Variants in CLIC4 observed in about 807,000 individuals in gnomAD.
CLIC4 encodes the protein chloride intracellular channel protein 4.
In CLIC4, 13 loss-of-function variants were observed where a neutral mutation model predicts 24.6. The ratio of observed to expected loss-of-function variants is 0.53; its 90% confidence interval spans 0.34 to 0.84. The LOEUF is 0.84. CLIC4 is among the 40% of genes least tolerant of loss of function. The pLI, the probability that CLIC4 is intolerant of heterozygous loss-of-function variation, is 0.01. For missense variants in CLIC4, 227 were observed against 301.7 expected, an observed-to-expected ratio of 0.75 and a Z score of 1.83; for synonymous variants, 104 against 111.3, an observed-to-expected ratio of 0.93 and a Z score of 0.41.
At chr1:24,815,385 C>T (rs1351593749) in intron 3 of CLIC4, among the ~76,000 whole-genome samples, 1 of 152,060 alleles carries the variant, frequency 6.6e-6, no homozygotes, top group African/African-American at 2.4e-5. Context: ...ACCTGTAATC[C>T]CAGCTACTCG....
At chr1:24,748,024 CAA>C (rs34000704) in intron 1 of CLIC4, among the ~76,000 whole-genome samples, 194 of 118,090 alleles carry the variant, frequency 1.6e-3, no homozygotes, top group South Asian at 0.012. Flanking sequence ...GACTTCGTCT[CAA>C]AAAAAAAAAA....
intron 4 of CLIC4, 88 bp downstream of exon 4, chr1:24,827,204 C>T: frequency 2.6e-6 from 2 of 764,588 alleles, no homozygotes; most frequent in Non-Finnish European, 2.2e-6. Context: ...TAAATGAGTA[C>T]TTTAGAGTCC....
At chr1:24,829,631 A>G (rs1284367794) in intron 4 of CLIC4, among the ~76,000 whole-genome samples, 1 of 152,180 alleles carries the variant, frequency 6.6e-6, no homozygotes, top group African/African-American at 2.4e-5. Flanking sequence ...TCAGTCATTG[A>G]TATTTATAAT....
intron 2 of CLIC4, among the ~76,000 whole-genome samples, chr1:24,799,227 A>T (rs531291171): frequency 7.2e-6 from 1 of 139,820 alleles, no homozygotes. Context: ...GGCTGCCATC[A>T]CATCTAGGAA....
Position 24,769,774 on chromosome 1 carries a change from G to A in CLIC4, c.72+24149G>A, listed in dbSNP as rs1639049770. 2.0e-5 allele frequency among the ~76,000 whole-genome samples: 3 copies of A among 151,986 alleles called. No homozygotes were observed. The South Asian group carries it at 6.2e-4, about 32-fold the overall frequency. On this transcript the variant is annotated intron_variant, in intron 1 of 5. Coordinates refer to ENST00000374379, the MANE Select transcript of CLIC4 (RefSeq NM_013943.3). Reference sequence around the variant, plus strand: ...ACTAAAATTTCCATTACCTCACCTCGTTGCATTTTGGGGGCCTGGTTAATT... The same window carrying A: ...ACTAAAATTTCCATTACCTCACCTCATTGCATTTTGGGGGCCTGGTTAATT...
At chr1:24,816,737 C>G (rs765888602) in intron 3 of CLIC4, among the ~76,000 whole-genome samples, 22 of 152,172 alleles carry the variant, frequency 1.4e-4, no homozygotes, top group Non-Finnish European at 2.8e-4. Flanking sequence ...CATGATCTCC[C>G]TGTATATCTC....
At chr1:24,813,833 C>G (rs909617296) in intron 2 of CLIC4, among the ~76,000 whole-genome samples, 4 of 152,252 alleles carry the variant, frequency 2.6e-5, no homozygotes, top group African/African-American at 9.6e-5. Context: ...ATCCTTCCAC[C>G]TCAGCCTCCC....
At chr1:24,825,845 C>T (rs567413057) in intron 3 of CLIC4, among the ~76,000 whole-genome samples, 1 of 152,302 alleles carries the variant, frequency 6.6e-6, no homozygotes, top group East Asian at 1.9e-4. Context: ...GCTGGCAAGA[C>T]AATGTCTTCA....
At chr1:24,822,165 T>C (rs1283594549) in intron 3 of CLIC4, among the ~76,000 whole-genome samples, 1 of 152,092 alleles carries the variant, frequency 6.6e-6, no homozygotes, top group Admixed American at 6.6e-5. Context: ...TTTATTGGGT[T>C]TGGCTTTTGT....
At chr1:24,829,353 A>G (rs1639817683) in intron 4 of CLIC4, among the ~76,000 whole-genome samples, 1 of 152,220 alleles carries the variant, frequency 6.6e-6, no homozygotes, top group Non-Finnish European at 1.5e-5. Flanking sequence ...GTAAACAAGT[A>G]AAATGTGAAG....
chr1:24,770,869 A>G (rs1253013412), intron 1 of CLIC4, among the ~76,000 whole-genome samples: 1 of 152,166 alleles, frequency 6.6e-6, no homozygotes, highest in Admixed American at 6.5e-5. Context: ...ATTTTTAACC[A>G]TTAAAGCAGA....
At chr1:24,755,741 ATTTATGAAAGT>A (rs1638839290) in intron 1 of CLIC4, among the ~76,000 whole-genome samples, 3 of 152,088 alleles carry the variant, frequency 2.0e-5, no homozygotes, top group Non-Finnish European at 1.5e-5. Context: ...TGTTAGTCTA[ATTTATGAAAGT>A]GACAACTTAG....
intron 2 of CLIC4, among the ~76,000 whole-genome samples, chr1:24,807,953 C>CTT (rs5773106): frequency 7.3e-6 from 1 of 137,742 alleles, no homozygotes; most frequent in South Asian, 2.3e-4. Context: ...AAAAACATTC[C>CTT]TTTTTTTTTT....
At chr1:24,802,311 T>C (rs1199981568) in intron 2 of CLIC4, among the ~76,000 whole-genome samples, 1 of 152,240 alleles carries the variant, frequency 6.6e-6, no homozygotes, top group Non-Finnish European at 1.5e-5. Context: ...TTGATTGATA[T>C]TTGCAGATTT....
intron 1 of CLIC4, among the ~76,000 whole-genome samples, chr1:24,769,123 T>C (rs908758225): frequency 1.3e-5 from 2 of 152,076 alleles, no homozygotes; most frequent in Non-Finnish European, 2.9e-5. Flanking sequence ...AGTGAGACTC[T>C]GTCTCAAAAC....
chr1:24,786,864 C>T (rs534926327), intron 1 of CLIC4, among the ~76,000 whole-genome samples: 41 of 151,992 alleles, frequency 2.7e-4, no homozygotes, highest in African/African-American at 7.7e-4. Context: ...GTGATCCGCC[C>T]GCCTTGGCCT....
At chr1:24,816,090 T>C (rs184185284) in intron 3 of CLIC4, among the ~76,000 whole-genome samples, 236 of 152,312 alleles carry the variant, frequency 1.5e-3, no homozygotes, top group Non-Finnish European at 2.2e-3. Flanking sequence ...CTAGTTCTCT[T>C]GCTATTTTCA....
intron 1 of CLIC4, among the ~76,000 whole-genome samples, chr1:24,755,422 G>C (rs1638834183): frequency 6.7e-6 from 1 of 149,250 alleles, no homozygotes; most frequent in Non-Finnish European, 1.5e-5. Context: ...CTGGGCGACA[G>C]TGAGACTCTG....
At chr1:24,786,258 T>C (rs1199484633) in intron 1 of CLIC4, among the ~76,000 whole-genome samples, 1 of 152,252 alleles carries the variant, frequency 6.6e-6, no homozygotes, top group Non-Finnish European at 1.5e-5. Flanking sequence ...TTTAAAAATC[T>C]GACTATTCTA....
Sources: allele counts gnomAD v4.1 joint callset (sites outside exome capture counted in the v4.1 genomes callset), GRCh38; gene constraint gnomAD v4.1.1; transcripts MANE v1.5; gene names NCBI Gene and HGNC (gene_info 2026-07-23, HGNC 2026-07-21).